Variants in JAK1 observed in about 807,000 individuals in gnomAD.
The protein encoded by JAK1 is Janus kinase 1.
JAK1 carries 16 observed loss-of-function variants against 136.6 expected under a neutral mutation model. The observed-to-expected ratio is 0.12, with a 90% CI of 0.08 to 0.18. JAK1 has a LOEUF of 0.18. JAK1 is among the 10% of genes least tolerant of loss of function. The pLI, the probability that JAK1 is intolerant of heterozygous loss-of-function variation, is 1.00. For missense variants in JAK1, 859 were observed against 1,450.1 expected, an observed-to-expected ratio of 0.59 and a Z score of 6.62; for synonymous variants, 492 against 519.5, an observed-to-expected ratio of 0.95 and a Z score of 0.72.
At chr1:65,023,859 G>C (rs147521383) in intron 2 of JAK1, among the ~76,000 whole-genome samples, 2 of 148,960 alleles carry the variant, frequency 1.3e-5, no homozygotes, top group Non-Finnish European at 1.5e-5. Context: ...GAGTCATACC[G>C]TATTTATTAT....
Position 65,041,974 on chromosome 1 carries a change from C to T in JAK1, c.-78+2506G>A, listed in dbSNP as rs183221000. Among the ~76,000 whole-genome samples the T allele has an allele frequency of 2.2e-3, 328 of 152,064 alleles. 3 individuals carry two copies. The highest frequency in any genetic ancestry group is 7.6e-3 in the African/African-American group (315 of 41,482). ...AGGAGAATCACTTGAATCCAGGAGG[C>T]GGAGGTTGCAGTGAGCAGAGATCTC... On this transcript the variant is annotated intron_variant, in intron 2 of 25. Transcript: ENST00000671954.
intron 1 of JAK1, among the ~76,000 whole-genome samples, chr1:64,919,858 C>A (rs937534469): frequency 6.6e-6 from 1 of 151,940 alleles, no homozygotes; most frequent in Non-Finnish European, 1.5e-5. Flanking sequence ...TGGGGTGGGG[C>A]CTGACGGACA....
At chr1:65,027,655 G>A (rs1400271626) in intron 2 of JAK1, among the ~76,000 whole-genome samples, 1 of 152,172 alleles carries the variant, frequency 6.6e-6, no homozygotes, top group Non-Finnish European at 1.5e-5. Context: ...GAAGGGTAAG[G>A]AAGGATGATT....
chr1:65,001,505 T>G (rs1646756145), intron 2 of JAK1, among the ~76,000 whole-genome samples: 1 of 152,108 alleles, frequency 6.6e-6, no homozygotes, highest in Admixed American at 6.5e-5. Context: ...GCCCCAGAGC[T>G]GGTCTGAATC....
chr1:64,859,865 G>T (rs181097231), intron 9 of JAK1: 20 of 340,852 alleles, frequency 5.9e-5, no homozygotes, highest in African/African-American at 3.9e-4. Flanking sequence ...AGGTGAGGGG[G>T]TTAAACTATG....
intron 1 of JAK1, among the ~76,000 whole-genome samples, chr1:64,965,763 G>A (rs1345659956): frequency 6.6e-6 from 1 of 152,170 alleles, no homozygotes; most frequent in East Asian, 1.9e-4. Flanking sequence ...GAACCTAAGA[G>A]GGGAGGGGGC....
chr1:64,941,455 A>G (rs2100518589), intron 1 of JAK1, among the ~76,000 whole-genome samples: 1 of 152,320 alleles, frequency 6.6e-6, no homozygotes, highest in East Asian at 1.9e-4. Context: ...AATGAAAAAT[A>G]AAACAAAGAT....
intron 1 of JAK1, among the ~76,000 whole-genome samples, chr1:64,916,763 G>C (rs1645403702): frequency 6.6e-6 from 1 of 151,830 alleles, no homozygotes; most frequent in South Asian, 2.1e-4. Context: ...GCTTGAACCG[G>C]GAGGCAGAGG....
intron 2 of JAK1, among the ~76,000 whole-genome samples, chr1:65,030,913 G>A (rs547333292): frequency 1.1e-4 from 17 of 152,156 alleles, no homozygotes; most frequent in African/African-American, 3.9e-4. Context: ...CAGGACTTTG[G>A]GGGGCAGAGG....
At chr1:65,033,982 T>C (rs1183815043) in intron 2 of JAK1, among the ~76,000 whole-genome samples, 1 of 152,238 alleles carries the variant, frequency 6.6e-6, no homozygotes, top group Non-Finnish European at 1.5e-5. Flanking sequence ...ACTCAAAATA[T>C]GCTTAATAAA....
chr1:64,959,437 CA>C (rs1371496860), intron 1 of JAK1, among the ~76,000 whole-genome samples: 1 of 152,078 alleles, frequency 6.6e-6, no homozygotes, highest in Non-Finnish European at 1.5e-5. Flanking sequence ...AATTCCTTAC[CA>C]GCAAAACTCC....
chr1:65,044,150 CCCAG>C (rs1198309688), intron 2 of JAK1, among the ~76,000 whole-genome samples: 1 of 152,142 alleles, frequency 6.6e-6, no homozygotes, highest in Non-Finnish European at 1.5e-5. Context: ...AACCACTGTG[CCCAG>C]CCCTATTTAC....
chr1:64,835,695 T>A (rs1306776847), intron 23 of JAK1, among the ~76,000 whole-genome samples, 189 bp from the exon 24 acceptor site: 1 of 152,146 alleles, frequency 6.6e-6, no homozygotes, highest in Admixed American at 6.5e-5. Flanking sequence ...CTAACCAGTG[T>A]CTTAGACTCT....
At chr1:65,062,620 T>C (rs182478785) in intron 1 of JAK1, among the ~76,000 whole-genome samples, 1 of 152,194 alleles carries the variant, frequency 6.6e-6, no homozygotes, top group Non-Finnish European at 1.5e-5. Flanking sequence ...ATCTGTAAAA[T>C]GAACACATTT....
chr1:64,991,483 C>A (rs2100724904), intron 2 of JAK1: 1 of 152,324 alleles, frequency 6.6e-6, no homozygotes, highest in African/African-American at 2.4e-5. Context: ...AAGGCCCTAA[C>A]CTAGCCATTT....
chr1:65,056,694 G>T (rs1647555569), intron 1 of JAK1, among the ~76,000 whole-genome samples: 1 of 152,020 alleles, frequency 6.6e-6, no homozygotes, highest in African/African-American at 2.4e-5. Context: ...GAGGCTGAGG[G>T]TAGGAGAATC....
chr1:65,035,304 C>T (rs1347695125), intron 2 of JAK1, among the ~76,000 whole-genome samples: 1 of 152,118 alleles, frequency 6.6e-6, no homozygotes, highest in Non-Finnish European at 1.5e-5. Context: ...CTAGACAGAG[C>T]CCATCCATGA....
intron 1 of JAK1, among the ~76,000 whole-genome samples, chr1:64,950,219 C>T (rs966595085): frequency 9.9e-5 from 15 of 152,190 alleles, no homozygotes; most frequent in African/African-American, 3.4e-4. Context: ...ACCATCCTGG[C>T]CAACATGGTG....
chr1:64,889,850 TCAGAATGAGACCACTTTGGC>T (rs1316939450), intron 1 of JAK1, among the ~76,000 whole-genome samples: 12 of 152,244 alleles, frequency 7.9e-5, no homozygotes, highest in African/African-American at 2.9e-4. Context: ...AATATGATCA[TCAGAATGAGACCACTTTGGC>T]CAAGGGCCAC....
Sources: allele counts gnomAD v4.1 joint callset (sites outside exome capture counted in the v4.1 genomes callset), GRCh38; gene constraint gnomAD v4.1.1; transcripts MANE v1.5; gene names NCBI Gene and HGNC (gene_info 2026-07-23, HGNC 2026-07-21).